The following DBX2 variants were observed in gnomAD, a reference collection of about 807,000 sequenced individuals.
The protein encoded by DBX2 is homeobox protein DBX2.
Under a neutral mutation model 17.7 loss-of-function variants are expected in DBX2, and 16 were observed. That is an observed-to-expected ratio of 0.90 (90% CI 0.61 to 1.37). The LOEUF is 1.37. DBX2 is among the 40% of genes most tolerant of loss of function. DBX2 has a pLI of 0.00. For missense variants in DBX2, 538 were observed against 433.8 expected, an observed-to-expected ratio of 1.24 and a Z score of -2.13; for synonymous variants, 255 against 183.8, an observed-to-expected ratio of 1.39 and a Z score of -3.13.
intron 1 of DBX2, among the ~76,000 whole-genome samples, chr12:45,045,134 A>G (rs974564086): frequency 2.6e-5 from 4 of 152,174 alleles, no homozygotes; most frequent in African/African-American, 9.6e-5. Flanking sequence ...TCATTTTACA[A>G]CTTGCCTTTT....
At chr12:45,024,733 G>T (rs760124816) in intron 2 of DBX2, among the ~76,000 whole-genome samples, 9 of 152,120 alleles carry the variant, frequency 5.9e-5, no homozygotes, top group African/African-American at 1.4e-4. Flanking sequence ...TATTGAACTA[G>T]CATCACAAAT....
intron 2 of DBX2, among the ~76,000 whole-genome samples, chr12:45,030,794 T>C (rs979854447): frequency 6.6e-6 from 1 of 152,246 alleles, no homozygotes; most frequent in Non-Finnish European, 1.5e-5. Context: ...TCTAAACCTC[T>C]CAAGGCTTTT....
chr12:45,031,219 TGTGTGTGAGA>T (rs1436794023), intron 2 of DBX2, among the ~76,000 whole-genome samples: 5 of 87,540 alleles, frequency 5.7e-5, no homozygotes, highest in African/African-American at 2.3e-4. Context: ...TGTGTGTGTG[TGTGTGTGAGA>T]GAGAGAGAGA....
At chr12:45,045,452 C>T (rs76481947) in intron 1 of DBX2, among the ~76,000 whole-genome samples, 2,260 of 152,268 alleles carry the variant, frequency 0.015, 28 homozygotes, top group Middle Eastern at 0.031. Context: ...TTTATGAACA[C>T]GATTAAACAG....
chr12:45,017,547 A>T (rs1311220657), intron 3 of DBX2, among the ~76,000 whole-genome samples: 1 of 152,228 alleles, frequency 6.6e-6, no homozygotes, highest in African/African-American at 2.4e-5. Context: ...GATAAATTGC[A>T]GGCTTTATAC....
chr12:45,050,450 G>T, intron 1 of DBX2, 75 bp downstream of exon 1: 1 of 1,506,032 alleles, frequency 6.6e-7, no homozygotes, highest in Non-Finnish European at 8.9e-7. Context: ...GCGCACCGCC[G>T]GCGCTCCCAG....
rs1193779070 is a variant in DBX2 at position 45,016,350 on chromosome 12, C to T, written c.956G>A (p.Gly319Asp). ...TTCTTCAGAACATAAATATAAGGCA[C>T]CTTGCAGTGAATTTGCTTCTGGGGG... ...APPPEANSLQ[G>D]ALYLCSEEEA... Residue 319 changes from glycine (G) to aspartate (D), a missense_variant, in exon 4 of 4, where the codon GGT (glycine) becomes GAT (aspartate). Physicochemically the swap from Gly to Asp is moderately conservative, Grantham distance 94. Coordinates refer to ENST00000332700, the MANE Select transcript of DBX2 (RefSeq NM_001004329.3). The T allele has an allele frequency of 6.2e-7, 1 of 1,611,860 alleles. No individual in the cohort carries two copies.
chr12:45,029,060 T>A (rs1946395765), intron 2 of DBX2, among the ~76,000 whole-genome samples: 1 of 152,204 alleles, frequency 6.6e-6, no homozygotes, highest in Admixed American at 6.5e-5. Context: ...CTTCTAAACA[T>A]ACATATAAGC....
chr12:45,028,239 G>T (rs578024242), intron 2 of DBX2, among the ~76,000 whole-genome samples: 38 of 152,280 alleles, frequency 2.5e-4, no homozygotes, highest in Non-Finnish European at 3.2e-4. Flanking sequence ...AGGGCCAAGG[G>T]TGTCTGAAAC....
At chr12:45,050,420 C>T in intron 1 of DBX2, 105 bp downstream of exon 1, 1 of 1,427,496 alleles carries the variant, frequency 7.0e-7, no homozygotes, top group Non-Finnish European at 9.3e-7. Context: ...GTTCCCAAAC[C>T]GGCTCTCCCT....
chr12:45,040,319 A>C (rs998129458), intron 1 of DBX2, among the ~76,000 whole-genome samples: 22 of 152,080 alleles, frequency 1.4e-4, no homozygotes, highest in African/African-American at 5.3e-4. Flanking sequence ...CTCAGCTTGC[A>C]TACATCCTAT....
intron 2 of DBX2, among the ~76,000 whole-genome samples, chr12:45,031,292 A>G (rs1946409815): frequency 6.7e-6 from 1 of 150,334 alleles, no homozygotes; most frequent in Non-Finnish European, 1.5e-5. Context: ...TGGAGAGAAA[A>G]GACACAGCGT....
rs1417408758 is a variant in DBX2, at chr12:45,023,842, C to G, written c.552G>C (p.Arg184=). 1.9e-6 allele frequency: 3 copies of G among 1,604,604 alleles called. No individual in the cohort carries two copies. Among genetic ancestry groups the G allele is most frequent in the African/African-American group, 2.7e-5 (2 of 74,388 alleles). ...LLTQDSNSKA[R]RGILRRAVFS... ...AGACAGCTCTTCTTAAAATGCCCCT[C>G]CGAGCTTTGGAATTAGAGTCCTGTG... Residue 184 remains arginine (R), a synonymous_variant, in exon 3 of 4, where the codon CGG becomes CGC. Coordinates refer to ENST00000332700, the MANE Select transcript of DBX2 (RefSeq NM_001004329.3).
chr12:45,038,682 C>A (rs1364221724), intron 1 of DBX2, among the ~76,000 whole-genome samples: 1 of 117,144 alleles, frequency 8.5e-6, no homozygotes, highest in Non-Finnish European at 1.5e-5. Context: ...AAATTCCCAA[C>A]CCTAGGGCCC....
At chr12:45,023,639 A>G (rs1946364936) in intron 3 of DBX2, 68 bp downstream of exon 3, 17 of 1,595,374 alleles carry the variant, frequency 1.1e-5, no homozygotes, top group Non-Finnish European at 1.4e-5. Flanking sequence ...CACCACCCTG[A>G]ACACAACTGA....
chr12:45,028,547 C>T (rs1010275317), intron 2 of DBX2, among the ~76,000 whole-genome samples: 4 of 152,076 alleles, frequency 2.6e-5, no homozygotes, highest in African/African-American at 9.7e-5. Context: ...AATAGCAACC[C>T]ATAGGTTTTC....
Position 45,050,637 on chromosome 12 carries a change from C to G in DBX2, c.291G>C (p.Ala97=). 6.5e-7 allele frequency: 1 copy of G among 1,549,988 alleles called. No individual in the cohort carries two copies. The highest frequency in any genetic ancestry group is 1.2e-5 in the South Asian group (1 of 84,100). ...GAAAAGCCCACCGCGTTCCGTAGGG[C>G]GCCCCGGCGGGGCTAACTTGTTCGG... The part of the protein sequence containing the change: ...PAAEQVSPAG[A]PYGTRWAFQV... The change falls in exon 1 of 4, where the codon GCG becomes GCC. Residue 97 remains alanine, a synonymous_variant. Transcript: ENST00000332700.
At chr12:45,050,408 A>G in intron 1 of DBX2, 117 bp downstream of exon 1, 1 of 1,371,586 alleles carries the variant, frequency 7.3e-7, no homozygotes, top group Non-Finnish European at 9.7e-7. Flanking sequence ...ATGCTCCAGG[A>G]AGTTCCCAAA....
intron 2 of DBX2, among the ~76,000 whole-genome samples, chr12:45,029,681 A>G (rs1946398405): frequency 6.6e-6 from 1 of 151,970 alleles, no homozygotes; most frequent in Admixed American, 6.6e-5. Context: ...CCTGGCCAAC[A>G]CGGTGAAACC....
Sources: gnomAD v4.1 joint callset for allele counts (sites outside exome capture counted in the v4.1 genomes callset) on GRCh38, gnomAD v4.1.1 for gene constraint, MANE v1.5 for transcripts, NCBI Gene and HGNC (gene_info 2026-07-23, HGNC 2026-07-21) for gene names.